The following CHCHD1 variants were observed in gnomAD, a reference collection of about 807,000 sequenced individuals.
CHCHD1 encodes the protein coiled-coil-helix-coiled-coil-helix domain containing 1, also known as small ribosomal subunit protein mS37.
CHCHD1 carries 12 observed loss-of-function variants against 12.7 expected under a neutral mutation model. That is an observed-to-expected ratio of 0.95 (90% CI 0.61 to 1.53). CHCHD1 has a LOEUF of 1.53. CHCHD1 is among the 40% of genes most tolerant of loss of function. The pLI is 0.00. For missense variants in CHCHD1, 151 were observed against 155.8 expected (o/e 0.97, Z 0.17); for synonymous variants, 57 against 62.4 (o/e 0.91, Z 0.41).
intron 1 of CHCHD1, 35 bp from the exon 2 acceptor site, chr10:73,782,288 T>A (rs372435625): frequency 3.2e-4 from 510 of 1,610,306 alleles, no homozygotes; most frequent in Non-Finnish European, 3.9e-4. Flanking sequence ...GTGGGTCTTC[T>A]TGTGACTGAA....
intron 2 of CHCHD1, 147 bp from the exon 3 acceptor site, chr10:73,782,927 T>A: frequency 1.4e-6 from 1 of 699,804 alleles, no homozygotes; most frequent in South Asian, 1.7e-5. Flanking sequence ...CTGGTTAACA[T>A]CTTCATGTGC....
intron 1 of CHCHD1, 47 bp from the exon 2 acceptor site, chr10:73,782,276 A>T: frequency 6.2e-7 from 1 of 1,609,176 alleles, no homozygotes. Context: ...GAGGGCAGGA[A>T]GGTGGGTCTT....
chr10:73,783,221 G>A lies in CHCHD1; in HGVS notation c.*34G>A. On this transcript the variant is annotated 3_prime_UTR_variant, in exon 3 of 3. Coordinates refer to ENST00000372833, the MANE Select transcript of CHCHD1 (RefSeq NM_203298.3). ...AAGTATTTTCAATGACTGAAATATA[G>A]CTTCTGACAACTATGCAGAGGCATT... 6.6e-7 allele frequency: 1 copy of A among 1,515,074 alleles called. No individual in the cohort carries two copies. Among genetic ancestry groups the A allele is most frequent in the East Asian group, 2.3e-5 (1 of 44,290 alleles). The allele number at this position is 1,515,074 out of a possible 1,614,324, so 93.9% of individuals were successfully genotyped here.
Position 73,782,097 on chromosome 10 carries a change from G to A in CHCHD1, c.22G>A (p.Gly8Ser). The change falls in exon 1 of 3, where the codon GGT (glycine) becomes AGT (serine). Residue 8 changes from glycine to serine, a missense_variant. Gly to Ser is a moderately conservative substitution (Grantham distance 56). Transcript: ENST00000372833. ...CGCTATGGCGACACCCAGCCTGCGG[G>A]GTCGTCTGGCGCGGTTTGGGAACCC... MATPSLR[G>S]RLARFGNPRK... 5.6e-6 allele frequency: 9 copies of A among 1,613,268 alleles called. No individual in the cohort carries two copies. Among genetic ancestry groups the A allele is most frequent in the Non-Finnish European group, 7.6e-6 (9 of 1,179,932 alleles).
Position 73,783,480 on chromosome 10 carries a change from T to C in CHCHD1, c.*293T>C, listed in dbSNP as rs972684741. 1 of 272,980 alleles carries C rather than the reference T, an allele frequency of 3.7e-6. No homozygotes were observed. Among genetic ancestry groups the C allele is most frequent in the East Asian group, 8.9e-5 (1 of 11,228 alleles). The allele number at this position is 272,980 out of a possible 1,614,324, so 16.9% of individuals were successfully genotyped here. ...GCCCTAGGAGCAGGACAAATACCGTTGTATTGTCTTTCCCTGCATTTGAAG... is the reference window on the plus strand; with the variant it reads ...GCCCTAGGAGCAGGACAAATACCGTCGTATTGTCTTTCCCTGCATTTGAAG... On this transcript the variant is annotated 3_prime_UTR_variant, in exon 3 of 3. Transcript: ENST00000372833.
chr10:73,782,910 C>T (rs1032304421), intron 2 of CHCHD1, 164 bp from the exon 3 acceptor site: 3 of 662,376 alleles, frequency 4.5e-6, no homozygotes, highest in Non-Finnish European at 7.9e-6. Context: ...ACATAGATCT[C>T]TCCAGGCTGG....
rs1416143395 is a variant in CHCHD1 at position 73,782,249 on chromosome 10, C to T, written c.124+50C>T. 2.5e-6 allele frequency: 4 copies of T among 1,610,548 alleles called. No homozygotes were observed. The African/African-American group carries it at 5.3e-5, about 22-fold the overall frequency. ...CCCGGAGCGGAAGCCGGAGCATGAG[C>T]AGGGGCGGGTGGGTAGGAGGGCAGG... On this transcript the variant is annotated intron_variant, in intron 1 of 2. Transcript: ENST00000372833.
chr10:73,783,408 A>C lies in CHCHD1; in HGVS notation c.*221A>C, dbSNP rs2083112537. 1 of 486,530 alleles carries C rather than the reference A, an allele frequency of 2.1e-6. No homozygotes were observed. Among genetic ancestry groups the C allele is most frequent in the Non-Finnish European group, 3.7e-6 (1 of 272,946 alleles). The allele number at this position is 486,530 out of a possible 1,614,324, so 30.1% of individuals were successfully genotyped here. ...TTGTTGTGAATTAGGTACTCTCTTCATTCTTGAGCCTCCCCTAGACCCTGG... is the reference window on the plus strand; with the variant it reads ...TTGTTGTGAATTAGGTACTCTCTTCCTTCTTGAGCCTCCCCTAGACCCTGG... On this transcript the variant is annotated 3_prime_UTR_variant, in exon 3 of 3. Coordinates refer to ENST00000372833, the MANE Select transcript of CHCHD1 (RefSeq NM_203298.3).
Position 73,783,058 on chromosome 10 carries a change from T to C in CHCHD1, c.244-16T>C. ...ACTGTAGAGCTGTCATTCTTGTATT[T>C]GTTTTGTGTTTTCAGGAAGCCCGAA... On this transcript the variant is annotated splice_polypyrimidine_tract_variant and intron_variant, in intron 2 of 2. Transcript: ENST00000372833. 6.3e-7 allele frequency: 1 copy of C among 1,583,994 alleles called. No homozygotes were observed. Among genetic ancestry groups the C allele is most frequent in the Non-Finnish European group, 8.7e-7 (1 of 1,154,084 alleles).
In CHCHD1 at chr10:73,783,046, C is replaced by T; in HGVS notation, c.244-28C>T. 2.6e-6 allele frequency: 4 copies of T among 1,541,890 alleles called. No homozygotes were observed. The South Asian group carries it at 3.4e-5, about 13-fold the overall frequency. ...TGGACTAGACAAACTGTAGAGCTGT[C>T]ATTCTTGTATTTGTTTTGTGTTTTC... is the stretch of plus-strand genomic sequence containing the variant. On this transcript the variant is annotated intron_variant, in intron 2 of 2. Coordinates refer to ENST00000372833, the MANE Select transcript of CHCHD1 (RefSeq NM_203298.3).
At position 73,783,254 on chromosome 10, in the gene CHCHD1, C is replaced by T. The variant is rs147465135; in HGVS notation, c.*67C>T. On this transcript the variant is annotated 3_prime_UTR_variant, in exon 3 of 3. Coordinates refer to ENST00000372833, the MANE Select transcript of CHCHD1 (RefSeq NM_203298.3). ...CAACTATGCAGAGGCATTTTAGAGACATTGGCATTGCCATGCCCTCTTTGG... is the reference window on the plus strand; with the variant it reads ...CAACTATGCAGAGGCATTTTAGAGATATTGGCATTGCCATGCCCTCTTTGG... The T allele has an allele frequency of 1.3e-3, 1,569 of 1,199,080 alleles. 24 individuals are homozygous for T. In the African/African-American group the frequency reaches 0.019, roughly 15 times the overall value. 74.3% of individuals were successfully genotyped at this position (1,199,080 alleles called of 1,614,324 possible).
At position 73,782,190 on chromosome 10, in the gene CHCHD1, G is replaced by C. The variant is rs781140560; in HGVS notation, c.115G>C (p.Glu39Gln). ...LANRVGERRR[E>Q]KGEATCITEM... ...TAACCGCGTCGGGGAGCGGCGCCGG[G>C]AGAAGGGCGGTGAGCAGTCGGAGTC... is the stretch of plus-strand genomic sequence containing the variant. The change falls in exon 1 of 3, where the codon GAG becomes CAG. Residue 39 changes from glutamate (E) to glutamine (Q), a missense_variant. Glu to Gln is a conservative substitution (Grantham distance 29). Coordinates refer to ENST00000372833, the MANE Select transcript of CHCHD1 (RefSeq NM_203298.3). 1 of 1,613,964 alleles carries C rather than the reference G, an allele frequency of 6.2e-7. No homozygotes were observed. The highest frequency in any genetic ancestry group is 8.5e-7 in the Non-Finnish European group (1 of 1,180,004).
rs1347003213 is a variant in CHCHD1 at position 73,783,394 on chromosome 10, T to G, written c.*207T>G. The G allele has an allele frequency of 3.9e-6, 2 of 516,518 alleles. No homozygotes were observed. Among genetic ancestry groups the G allele is most frequent in the Non-Finnish European group, 6.9e-6 (2 of 291,244 alleles). 32.0% of individuals were successfully genotyped at this position (516,518 alleles called of 1,614,324 possible). ...CAGAACTTGGCCTTTTGTTGTGAAT[T>G]AGGTACTCTCTTCATTCTTGAGCCT... On this transcript the variant is annotated 3_prime_UTR_variant, in exon 3 of 3. Transcript: ENST00000372833.
rs770895138 is a variant in CHCHD1, at chr10:73,783,113, G to A, written c.283G>A (p.Glu95Lys). ...GAGATCAATACAGGAAACCCTGGGA[G>A]AGTCTGGGAGTTTACTTCCAAATAA... The part of the protein sequence containing the change: ...KMRSIQETLG[E>K]SGSLLPNKLN... The change falls in exon 3 of 3, where the codon GAG (glutamate) becomes AAG (lysine). Residue 95 changes from glutamate (E) to lysine (K), a missense_variant. Coordinates refer to ENST00000372833, the MANE Select transcript of CHCHD1 (RefSeq NM_203298.3). 1.1e-5 allele frequency: 18 copies of A among 1,613,864 alleles called. No homozygotes were observed. The highest frequency in any genetic ancestry group is 1.5e-5 in the Non-Finnish European group (18 of 1,179,980).
intron 2 of CHCHD1, chr10:73,782,868 G>T (rs2083109796): frequency 3.4e-6 from 2 of 593,430 alleles, no homozygotes; most frequent in African/African-American, 1.9e-5. Context: ...CTCATTTGTA[G>T]GTCCCAACGC....
Position 73,783,258 on chromosome 10 carries a change from G to A in CHCHD1, c.*71G>A, listed in dbSNP as rs2083111941. The A allele has an allele frequency of 7.7e-6, 9 of 1,163,018 alleles. No homozygotes were observed. In the South Asian group the frequency reaches 9.1e-5, roughly 12 times the overall value. The allele number at this position is 1,163,018 out of a possible 1,614,324, so 72.0% of individuals were successfully genotyped here. On this transcript the variant is annotated 3_prime_UTR_variant, in exon 3 of 3. Coordinates refer to ENST00000372833, the MANE Select transcript of CHCHD1 (RefSeq NM_203298.3). Reference sequence around the variant, plus strand: ...TATGCAGAGGCATTTTAGAGACATTGGCATTGCCATGCCCTCTTTGGAGGG... The same window carrying A: ...TATGCAGAGGCATTTTAGAGACATTAGCATTGCCATGCCCTCTTTGGAGGG...
rs575979703 is a variant in CHCHD1, at chr10:73,782,786, T to A, written c.244-288T>A. 1.6e-5 allele frequency: 9 copies of A among 570,132 alleles called. No individual in the cohort carries two copies. In the Admixed American group the frequency reaches 3.0e-4, roughly 19 times the overall value. 35.3% of individuals were successfully genotyped at this position (570,132 alleles called of 1,614,324 possible). A position where few individuals can be genotyped will look rare whatever the true frequency, so the allele number is the denominator to read the frequency against. On this transcript the variant is annotated intron_variant, in intron 2 of 2. Coordinates refer to ENST00000372833, the MANE Select transcript of CHCHD1 (RefSeq NM_203298.3). ...GAAATAGAACTAAAGAGACTAAAAC[T>A]AAATAATGACAATAGTTTGGTTTCC...
At chr10:73,782,604 G>C (rs750520196) in intron 2 of CHCHD1, 163 bp downstream of exon 2, 78 of 1,442,386 alleles carry the variant, frequency 5.4e-5, no homozygotes, top group Non-Finnish European at 7.1e-5. Flanking sequence ...GTGTGATCTT[G>C]ACGGATTTAT....
At chr10:73,782,979 CTTGA>C (rs1158390142) in intron 2 of CHCHD1, 91 bp from the exon 3 acceptor site, 27 of 973,312 alleles carry the variant, frequency 2.8e-5, no homozygotes, top group East Asian at 7.2e-5. Flanking sequence ...TCAGGACAAA[CTTGA>C]TTGATTGATT....
Sources: allele counts gnomAD v4.1 joint callset, GRCh38; gene constraint gnomAD v4.1.1; transcripts MANE v1.5; gene names NCBI Gene and HGNC (gene_info 2026-07-23, HGNC 2026-07-21).